CCDC88C: variants seen among roughly 807,000 people sequenced by gnomAD.
CCDC88C encodes coiled-coil and HOOK domain protein 88C.
CCDC88C carries 131 observed loss-of-function variants against 198.8 expected under a neutral mutation model. That is an observed-to-expected ratio of 0.66 (90% confidence interval 0.57 to 0.76). CCDC88C has a LOEUF of 0.76. Ranked by LOEUF, CCDC88C falls within the 30% of genes least tolerant of loss-of-function variation. The pLI, the probability that CCDC88C is intolerant of heterozygous loss-of-function variation, is 0.00. For synonymous variants in CCDC88C, 1,166 were observed against 1,114.7 expected (o/e 1.05, Z -0.92); for missense variants, 2,553 against 2,631.6 (o/e 0.97, Z 0.65).
chr14:91,414,842 C>A (rs1001835575), intron 2 of CCDC88C, among the ~76,000 whole-genome samples: 1 of 152,160 alleles, frequency 6.6e-6, no homozygotes, highest in Non-Finnish European at 1.5e-5. Context: ...TCTAAAATTG[C>A]CCAGGGAAGG....
Position 91,367,414 on chromosome 14 carries a change from T to G in CCDC88C, c.271-7703A>C, listed in dbSNP as rs545401561. Among the ~76,000 whole-genome samples, 7 of 152,290 alleles carry G rather than the reference T, an allele frequency of 4.6e-5. No homozygotes were observed. The South Asian group carries it at 1.5e-3, about 32-fold the overall frequency. On this transcript the variant is annotated intron_variant, in intron 3 of 29. Transcript: ENST00000389857. The stretch of plus-strand genomic sequence containing the variant: ...CACACGCTAACAGTCAAGACTGAAA[T>G]AGCAGAAGCATGAGTGACGTCGGCT...
intron 20 of CCDC88C, 34 bp from the exon 21 acceptor site, chr14:91,300,104 C>G: frequency 6.3e-7 from 1 of 1,596,902 alleles, no homozygotes; most frequent in Non-Finnish European, 8.5e-7. Context: ...TGAGTCTGGC[C>G]AGGGCCTTCT....
In CCDC88C at chr14:91,352,646, C is replaced by T. The variant is rs115017544; in HGVS notation, c.340+6996G>A. 0.011 allele frequency among the ~76,000 whole-genome samples: 1,659 copies of T among 152,182 alleles called. 29 individuals are homozygous for T. The highest frequency in any genetic ancestry group is 0.037 in the African/African-American group (1,529 of 41,500). On this transcript the variant is annotated intron_variant, in intron 4 of 29. Transcript: ENST00000389857. This position sits in a 1 kb window ranked among gnomAD's most constrained non-coding sequence, Gnocchi z 4.2. The stretch of plus-strand genomic sequence containing the variant: ...CAAATATGAAAATTATATATATATA[C>T]ACACACACATATACACTTATACACA...
rs371147165 is a variant in CCDC88C, at chr14:91,313,694, C to T, written c.2122G>A (p.Glu708Lys). ...ATGGTCTCCACCAGCCTGCGCAGCT[C>T]CAGGTTCTCTGCGTCCAGCTGCTTG... ...DNKQLDAENL[E>K]LRRLVETMRF... is the part of the protein sequence containing the mutation. The change falls in exon 15 of 30, where the codon GAG (glutamate) becomes AAG (lysine). Residue 708 changes from glutamate to lysine, a missense_variant. Physicochemically the swap from Glu to Lys is moderately conservative, Grantham distance 56. This residue lies in a region of CCDC88C where 1,260 missense variants were observed against 1,412.0 expected (regional missense o/e 0.89). Coordinates refer to ENST00000389857, the MANE Select transcript of CCDC88C (RefSeq NM_001080414.4). The surrounding 1 kb of genome is among the most constrained non-coding windows in gnomAD (Gnocchi z 5.2). 6.2e-7 allele frequency: 1 copy of T among 1,611,428 alleles called. No individual in the cohort carries two copies. Among genetic ancestry groups the T allele is most frequent in the African/African-American group, 1.3e-5 (1 of 74,926 alleles).
At chr14:91,414,909 G>A (rs187071384) in intron 2 of CCDC88C, among the ~76,000 whole-genome samples, 7 of 152,294 alleles carry the variant, frequency 4.6e-5, no homozygotes, top group Admixed American at 4.6e-4. Context: ...GGCCAAATGA[G>A]AACAAGTGAT....
intron 3 of CCDC88C, among the ~76,000 whole-genome samples, chr14:91,373,076 C>T (rs1187948438): frequency 6.6e-6 from 1 of 152,196 alleles, no homozygotes. Flanking sequence ...ACAGTCCCAG[C>T]TACCTGTGTG....
At chr14:91,417,424 C>T (rs111463000) in intron 1 of CCDC88C, 6 of 571,980 alleles carry the variant, frequency 1.0e-5, no homozygotes, top group East Asian at 3.1e-5. Context: ...GGTCCCGCGC[C>T]GGACGCACAA....
At chr14:91,378,176 AC>A (rs2139944708) in intron 3 of CCDC88C, among the ~76,000 whole-genome samples, 1 of 152,320 alleles carries the variant, frequency 6.6e-6, no homozygotes, top group South Asian at 2.1e-4. Context: ...CAGATAGGAA[AC>A]AGTAGTTGAG....
chr14:91,294,320 T>C lies in CCDC88C; in HGVS notation c.3967-2A>G. The C allele has an allele frequency of 6.2e-7, 1 of 1,613,800 alleles. No individual in the cohort carries two copies. On this transcript the variant is annotated splice_acceptor_variant, in intron 22 of 29. Coordinates refer to ENST00000389857, the MANE Select transcript of CCDC88C (RefSeq NM_001080414.4). LOFTEE classifies it high-confidence loss of function. ...GTTCCCCTTGAGACGGGAGAGCAGC[T>C]AGAACACAGACCAACAGCGTCTCAG...
intron 3 of CCDC88C, among the ~76,000 whole-genome samples, chr14:91,407,535 C>T (rs920157344): frequency 6.6e-5 from 10 of 152,314 alleles, no homozygotes; most frequent in Admixed American, 4.6e-4. Flanking sequence ...TCTGTGTCCT[C>T]TGGAGTCCCG....
At chr14:91,391,845 T>G (rs781249851) in intron 3 of CCDC88C, among the ~76,000 whole-genome samples, 1 of 152,026 alleles carries the variant, frequency 6.6e-6, no homozygotes, top group African/African-American at 2.4e-5. Context: ...GAGTGTACTA[T>G]ATTCCTTTTT....
At chr14:91,283,258 C>T (rs1205000269) in intron 26 of CCDC88C, 71 bp downstream of exon 26, 3 of 1,479,866 alleles carry the variant, frequency 2.0e-6, no homozygotes, top group South Asian at 1.2e-5. Flanking sequence ...TCTCTGATTT[C>T]CGAGAGCCTG....
chr14:91,396,824 GT>G (rs892005201), intron 3 of CCDC88C, among the ~76,000 whole-genome samples: 2 of 152,044 alleles, frequency 1.3e-5, no homozygotes, highest in Admixed American at 1.3e-4. Context: ...GGGAGACTCT[GT>G]CTCTACAAAA....
Position 91,300,088 on chromosome 14 carries a change from C to G in CCDC88C, c.3636-18G>C, listed in dbSNP as rs1161993022. The G allele has an allele frequency of 1.9e-6, 3 of 1,604,240 alleles. No homozygotes were observed. Among genetic ancestry groups the G allele is most frequent in the Non-Finnish European group, 2.6e-6 (3 of 1,176,280 alleles). ...CACCGTGCCTGTTGGAGGGAAGCAC[C>G]TGCCGTGAGTCTGGCCAGGGCCTTC... is the stretch of plus-strand genomic sequence containing the variant. On this transcript the variant is annotated intron_variant, in intron 20 of 29. Transcript: ENST00000389857.
intron 3 of CCDC88C, among the ~76,000 whole-genome samples, chr14:91,375,883 GC>G (rs1884382019): frequency 1.3e-5 from 2 of 152,240 alleles, no homozygotes; most frequent in African/African-American, 4.8e-5. Flanking sequence ...TGGGGCAGGT[GC>G]CGTAACTGTG....
At chr14:91,280,958 C>A (rs1016064068) in intron 27 of CCDC88C, among the ~76,000 whole-genome samples, 1 of 152,120 alleles carries the variant, frequency 6.6e-6, no homozygotes, top group African/African-American at 2.4e-5. Flanking sequence ...GGTTGCTTTT[C>A]AAAAATTAAA....
chr14:91,392,767 G>A (rs367941374), intron 3 of CCDC88C, among the ~76,000 whole-genome samples: 7 of 150,350 alleles, frequency 4.7e-5, no homozygotes, highest in South Asian at 4.3e-4. Context: ...CTCTCACCGC[G>A]CCCCTCACTC....
intron 25 of CCDC88C, chr14:91,285,816 G>C (rs1195116513): frequency 7.8e-7 from 1 of 1,288,860 alleles, no homozygotes; most frequent in Non-Finnish European, 1.0e-6. Context: ...TTCAAAAAGG[G>C]ACTCTTTTTG....
At chr14:91,334,312 G>C (rs1044889475) in intron 10 of CCDC88C, among the ~76,000 whole-genome samples, 2 of 152,184 alleles carry the variant, frequency 1.3e-5, no homozygotes, top group Non-Finnish European at 2.9e-5. Context: ...CACGATCTCG[G>C]CTCACCACAA....
Sources: gnomAD v4.1 joint callset for allele counts (sites outside exome capture counted in the v4.1 genomes callset) on GRCh38, gnomAD v4.1.1 for gene constraint, gnomAD v4.1.1 regional missense constraint, Gnocchi (gnomAD v3.1) non-coding constraint, MANE v1.5 for transcripts, NCBI Gene and HGNC (gene_info 2026-07-23, HGNC 2026-07-21) for gene names.